Variants in GNB1L observed in about 807,000 individuals in gnomAD.
The protein encoded by GNB1L is G protein subunit beta 1 like, also known as guanine nucleotide-binding protein subunit beta-like protein 1.
GNB1L carries 20 observed loss-of-function variants against 29.1 expected under a neutral mutation model. The ratio of observed to expected loss-of-function variants is 0.69; its 90% CI spans 0.48 to 1.00. The LOEUF is 1.00. Ranked by LOEUF, GNB1L falls within the 50% of genes least tolerant of loss-of-function variation. The pLI is 0.00. For missense variants in GNB1L, 421 were observed against 464.9 expected (o/e 0.91, Z 0.87); for synonymous variants, 193 against 206.5 (o/e 0.93, Z 0.56).
chr22:19,783,272 G>A lies in GNB1L; in HGVS notation c.*5437C>T, dbSNP rs1331531170. 4.0e-6 allele frequency: 2 copies of A among 503,478 alleles called. No individual in the cohort carries two copies. Among genetic ancestry groups the A allele is most frequent in the African/African-American group, 3.9e-5 (2 of 51,594 alleles). The allele number at this position is 503,478 out of a possible 1,614,324, so 31.2% of individuals were successfully genotyped here. On this transcript the variant is annotated 3_prime_UTR_variant, in exon 8 of 8. Coordinates refer to ENST00000329517, the MANE Select transcript of GNB1L (RefSeq NM_053004.3). ...TAGCAAGAGATAATGGCACCAGGAT[G>A]AGGCCAAATGACTCGATTTCTCTAC...
At chr22:19,810,377 A>C (rs1376262695) in intron 5 of GNB1L, among the ~76,000 whole-genome samples, 1 of 151,450 alleles carries the variant, frequency 6.6e-6, no homozygotes, top group African/African-American at 2.4e-5. Context: ...GCAGGGGCAA[A>C]AGATGGGGGG....
intron 7 of GNB1L, among the ~76,000 whole-genome samples, chr22:19,800,272 G>T (rs769791335): frequency 2.2e-4 from 33 of 152,228 alleles, no homozygotes; most frequent in Non-Finnish European, 4.1e-4. Context: ...TCTGGGCCAG[G>T]ACGGCAGGAG....
Position 19,800,068 on chromosome 22 carries a change from G to A in GNB1L, c.732+1933C>T, listed in dbSNP as rs150038586. Among the ~76,000 whole-genome samples the A allele has an allele frequency of 3.5e-3, 533 of 152,310 alleles. 2 individuals are homozygous for A. The highest frequency in any genetic ancestry group is 0.011 in the African/African-American group (461 of 41,572). ...GCCCTGCCCAGCACGCCACAGCCAC[G>A]CCAACCACTCCCTGTTCCTGGTTCT... On this transcript the variant is annotated intron_variant, in intron 7 of 7. Coordinates refer to ENST00000329517, the MANE Select transcript of GNB1L (RefSeq NM_053004.3).
chr22:19,842,561 A>G (rs1222917771), intron 2 of GNB1L, among the ~76,000 whole-genome samples: 1 of 152,192 alleles, frequency 6.6e-6, no homozygotes, highest in Non-Finnish European at 1.5e-5. Flanking sequence ...TGCCATAAAT[A>G]ATGCCAAGGA....
In GNB1L at chr22:19,788,398, C is replaced by G. The variant is rs889300785; in HGVS notation, c.*311G>C. On this transcript the variant is annotated 3_prime_UTR_variant, in exon 8 of 8. Coordinates refer to ENST00000329517, the MANE Select transcript of GNB1L (RefSeq NM_053004.3). ...GACCAGGGCCTCCTCAGGGAGCTCCCACCTCAAGCCTGCAACTTGGCAATG... is the reference window on the plus strand; with the variant it reads ...GACCAGGGCCTCCTCAGGGAGCTCCGACCTCAAGCCTGCAACTTGGCAATG... The G allele has an allele frequency of 3.4e-6, 2 of 588,810 alleles. No homozygotes were observed. The highest frequency in any genetic ancestry group is 4.4e-4 in the Middle Eastern group (1 of 2,270). 36.5% of individuals were successfully genotyped at this position (588,810 alleles called of 1,614,324 possible).
intron 6 of GNB1L, among the ~76,000 whole-genome samples, chr22:19,802,612 C>T (rs1407119510): frequency 6.6e-6 from 1 of 152,254 alleles, no homozygotes; most frequent in Non-Finnish European, 1.5e-5. Context: ...CTCTCCACTT[C>T]TCCCATGCAC....
At chr22:19,805,609 C>T (rs1367238677) in intron 6 of GNB1L, among the ~76,000 whole-genome samples, 3 of 152,196 alleles carry the variant, frequency 2.0e-5, no homozygotes, top group South Asian at 2.1e-4. Flanking sequence ...GGTGAAACCC[C>T]GGCTCTACTA....
intron 2 of GNB1L, among the ~76,000 whole-genome samples, chr22:19,841,800 C>G (rs967932774): frequency 3.3e-5 from 5 of 152,158 alleles, no homozygotes; most frequent in African/African-American, 1.2e-4. Context: ...ACTTTTATGA[C>G]CATCGTTACT....
intron 2 of GNB1L, chr22:19,846,981 A>C: frequency 1.0e-6 from 1 of 985,490 alleles, no homozygotes; most frequent in Non-Finnish European, 1.2e-6. Flanking sequence ...AGCACCAACC[A>C]GCCCCACGCT....
At chr22:19,850,973 G>A (rs891472316) in intron 2 of GNB1L, 37 of 1,406,114 alleles carry the variant, frequency 2.6e-5, no homozygotes, top group East Asian at 2.3e-4. Flanking sequence ...GGCACAGGGC[G>A]GAGGTCAAGC....
rs1352759514 is a variant in GNB1L, at chr22:19,841,890, C to T, written c.-21+12553G>A. Among the ~76,000 whole-genome samples, 6 of 152,186 alleles carry T rather than the reference C, an allele frequency of 3.9e-5. No homozygotes were observed. The East Asian group carries it at 9.6e-4, about 24-fold the overall frequency. On this transcript the variant is annotated intron_variant, in intron 2 of 7. Transcript: ENST00000329517. ...GTTGCGCTTCACCAGCCCAGCCCAC[C>T]TAATTTCTCTATGAAGTAGCACAGC...
At position 19,848,404 on chromosome 22, in the gene GNB1L, C is replaced by T. The variant is rs145044473; in HGVS notation, c.-21+6039G>A. The T allele has an allele frequency of 2.1e-5, 21 of 985,418 alleles. No homozygotes were observed. The African/African-American group carries it at 3.5e-4, about 16-fold the overall frequency. The allele number at this position is 985,418 out of a possible 1,614,324, so 61.0% of individuals were successfully genotyped here. On this transcript the variant is annotated intron_variant, in intron 2 of 7. Transcript: ENST00000329517. Reference sequence around the variant, plus strand: ...AACAACCCAGGGGGAATGCCTCCTTCCCCCAGCAGGAAAGCAGCTTGGTCA... The same window carrying T: ...AACAACCCAGGGGGAATGCCTCCTTTCCCCAGCAGGAAAGCAGCTTGGTCA...
intron 2 of GNB1L, among the ~76,000 whole-genome samples, chr22:19,842,290 C>T (rs949242214): frequency 6.6e-6 from 1 of 152,258 alleles, no homozygotes; most frequent in Non-Finnish European, 1.5e-5. Flanking sequence ...AGTCAGTTCA[C>T]TGGCACACAT....
At chr22:19,812,146 C>T in intron 5 of GNB1L, 139 bp downstream of exon 5, 2 of 861,504 alleles carry the variant, frequency 2.3e-6, no homozygotes, top group Non-Finnish European at 3.5e-6. Context: ...GGCTGTGCAT[C>T]AGCCCCGGCT....
chr22:19,846,995 T>C, intron 2 of GNB1L: 2 of 985,390 alleles, frequency 2.0e-6, no homozygotes, highest in South Asian at 4.7e-5. Flanking sequence ...CCACGCTGGG[T>C]GGCTGCTTGT....
chr22:19,788,999 C>T (rs1355886044), intron 7 of GNB1L, 39 bp from the exon 8 acceptor site: 1 of 1,561,368 alleles, frequency 6.4e-7, no homozygotes, highest in East Asian at 2.3e-5. Flanking sequence ...ACTCCTTAAG[C>T]CCACAAGGCA....
At chr22:19,842,549 C>A (rs533821957) in intron 2 of GNB1L, among the ~76,000 whole-genome samples, 1 of 152,326 alleles carries the variant, frequency 6.6e-6, no homozygotes, top group East Asian at 1.9e-4. Flanking sequence ...AAGAGGTGGT[C>A]CTGCCATAAA....
chr22:19,819,198 C>G (rs1293834488), intron 4 of GNB1L, among the ~76,000 whole-genome samples: 1 of 152,244 alleles, frequency 6.6e-6, no homozygotes, highest in Admixed American at 6.5e-5. Context: ...GGGTCTCCCC[C>G]ACCAGGACTG....
chr22:19,788,297 C>T lies in GNB1L; in HGVS notation c.*412G>A. 1 of 497,038 alleles carries T rather than the reference C, an allele frequency of 2.0e-6. No individual in the cohort carries two copies. Among genetic ancestry groups the T allele is most frequent in the Non-Finnish European group, 3.6e-6 (1 of 280,116 alleles). 30.8% of individuals were successfully genotyped at this position (497,038 alleles called of 1,614,324 possible). A position where few individuals can be genotyped will look rare whatever the true frequency, so the allele number is the denominator to read the frequency against. On this transcript the variant is annotated 3_prime_UTR_variant, in exon 8 of 8. Coordinates refer to ENST00000329517, the MANE Select transcript of GNB1L (RefSeq NM_053004.3). ...CAGGAAACCCACACTCGGGGTGGCC[C>T]ATTCAACAGCAGGTGTGAGGGTGGG...
Sources: allele counts gnomAD v4.1 joint callset (sites outside exome capture counted in the v4.1 genomes callset), GRCh38; gene constraint gnomAD v4.1.1; transcripts MANE v1.5; gene names NCBI Gene and HGNC (gene_info 2026-07-23, HGNC 2026-07-21).